The following PTPRJ variants were observed in gnomAD, a reference collection of about 807,000 sequenced individuals.
The protein encoded by PTPRJ is receptor-type tyrosine-protein phosphatase eta.
Under a neutral mutation model 141.3 loss-of-function variants are expected in PTPRJ, and 129 were observed. That is an observed-to-expected ratio of 0.91 (90% confidence interval 0.79 to 1.06). The LOEUF is 1.06. Among genes scored for constraint, PTPRJ ranks in the 50% least tolerant of loss-of-function variants. The pLI is 0.00. For missense variants in PTPRJ, 1,601 were observed against 1,679.7 expected (o/e 0.95, Z 0.82); for synonymous variants, 610 against 640.5 (o/e 0.95, Z 0.72).
chr11:48,116,737 C>T (rs1856574810), intron 3 of PTPRJ, among the ~76,000 whole-genome samples: 1 of 152,112 alleles, frequency 6.6e-6, no homozygotes. Context: ...CTGATGATGG[C>T]ATCAAACTAG....
chr11:48,130,646 T>G lies in PTPRJ; in HGVS notation c.1545T>G (p.Tyr515Ter). 1.2e-6 allele frequency: 2 copies of G among 1,614,060 alleles called. No individual in the cohort carries two copies. Among genetic ancestry groups the G allele is most frequent in the Non-Finnish European group, 1.7e-6 (2 of 1,179,966 alleles). Reference protein sequence around the residue: ...IIGGLFPGTKYCFEIVPKGPN... With the variant: ...IIGGLFPGTK ...GTGGCTTGTTCCCTGGAACCAAGTA[T>G]TGCTTTGAAATAGTTCCAAAAGGAC... is the stretch of plus-strand genomic sequence containing the variant. Residue 515 changes from tyrosine (Y) to a stop codon, truncating the protein, a stop_gained, in exon 8 of 25, where the codon TAT (tyrosine) becomes TAG (stop). Transcript: ENST00000418331. LOFTEE classifies it high-confidence loss of function.
intron 1 of PTPRJ, among the ~76,000 whole-genome samples, chr11:48,010,109 A>G (rs1479279432): frequency 6.6e-6 from 1 of 152,146 alleles, no homozygotes; most frequent in East Asian, 1.9e-4. Context: ...GTCTCCCTAA[A>G]TAGACGGGGT....
At chr11:48,032,636 G>A (rs973979894) in intron 1 of PTPRJ, among the ~76,000 whole-genome samples, 18 of 152,194 alleles carry the variant, frequency 1.2e-4, no homozygotes, top group Admixed American at 3.3e-4. Flanking sequence ...GCACATGCCT[G>A]TAATCCCAGC....
rs369103730 is a variant in PTPRJ, at chr11:48,170,012, G to A, written c.*2650G>A. ...AATGTGTAAATATAAAGGACACACAGGCTGGGGGTTGGTCAGAGGCAAGAG... is the reference window on the plus strand; with the variant it reads ...AATGTGTAAATATAAAGGACACACAAGCTGGGGGTTGGTCAGAGGCAAGAG... On this transcript the variant is annotated 3_prime_UTR_variant, in exon 25 of 25. Transcript: ENST00000418331. The A allele has an allele frequency of 6.6e-6, 1 of 152,310 alleles. No homozygotes were observed. Among genetic ancestry groups the A allele is most frequent in the East Asian group, 1.9e-4 (1 of 5,186 alleles). 9.4% of individuals were successfully genotyped at this position (152,310 alleles called of 1,614,324 possible).
chr11:48,144,553 G>C (rs981666047), intron 12 of PTPRJ, 122 bp from the exon 13 acceptor site: 6 of 761,854 alleles, frequency 7.9e-6, no homozygotes. Flanking sequence ...CTGGCACAGA[G>C]AGATACTTGA....
intron 3 of PTPRJ, among the ~76,000 whole-genome samples, chr11:48,120,327 C>T (rs887455898): frequency 1.3e-5 from 2 of 152,194 alleles, no homozygotes; most frequent in African/African-American, 4.8e-5. Flanking sequence ...CACTGAGCTT[C>T]CTTCTAGATG....
Position 48,153,830 on chromosome 11 carries a change from A to G in PTPRJ, c.3173A>G (p.Tyr1058Cys), listed in dbSNP as rs1437386968. ...CTTGTTGGAATTAGTCAACCTAAAT[A>G]TGCAGCAGAACTGGCTGAGAATAGA... ...LKLVGISQPK[Y>C]AAELAENRGK... Residue 1058 changes from tyrosine to cysteine, a missense_variant, in exon 19 of 25, where the codon TAT (tyrosine) becomes TGT (cysteine). Tyr to Cys is a radical substitution (Grantham distance 194, BLOSUM62 -2). Coordinates refer to ENST00000418331, the MANE Select transcript of PTPRJ (RefSeq NM_002843.4). 1 of 1,613,790 alleles carries G rather than the reference A, an allele frequency of 6.2e-7. No individual in the cohort carries two copies. Among genetic ancestry groups the G allele is most frequent in the Admixed American group, 1.7e-5 (1 of 60,002 alleles).
At chr11:48,153,911 TTC>T (rs1857543731) in intron 19 of PTPRJ, 25 bp downstream of exon 19, 1 of 1,499,058 alleles carries the variant, frequency 6.7e-7, no homozygotes, top group African/African-American at 1.4e-5. Flanking sequence ...CTACAGCATC[TTC>T]TCTGTGTTCC....
At chr11:48,153,979 A>C in intron 19 of PTPRJ, 93 bp downstream of exon 19, 1 of 855,378 alleles carries the variant, frequency 1.2e-6, no homozygotes, top group Non-Finnish European at 1.9e-6. Flanking sequence ...GATCCTAAGT[A>C]ACCACTTCCA....
chr11:48,125,795 T>C (rs1856815857), intron 6 of PTPRJ, among the ~76,000 whole-genome samples: 1 of 152,182 alleles, frequency 6.6e-6, no homozygotes, highest in African/African-American at 2.4e-5. Context: ...GGCAAGACAT[T>C]GGTGAGAAGC....
intron 1 of PTPRJ, among the ~76,000 whole-genome samples, chr11:48,001,527 T>A (rs1854499386): frequency 6.6e-6 from 1 of 152,128 alleles, no homozygotes; most frequent in South Asian, 2.1e-4. Flanking sequence ...TACTAACCTC[T>A]GTGAGGTTCA....
At chr11:48,046,735 C>G (rs1854407795) in intron 1 of PTPRJ, among the ~76,000 whole-genome samples, 1 of 151,658 alleles carries the variant, frequency 6.6e-6, no homozygotes. Context: ...TCCCCCCTAC[C>G]CTATGTGGAT....
intron 1 of PTPRJ, among the ~76,000 whole-genome samples, chr11:48,092,578 C>A (rs577042601): frequency 6.6e-6 from 1 of 151,814 alleles, no homozygotes; most frequent in Non-Finnish European, 1.5e-5. Flanking sequence ...TATAGGCACT[C>A]GCTACCACAC....
intron 1 of PTPRJ, among the ~76,000 whole-genome samples, chr11:47,996,016 C>T (rs1854325235): frequency 7.2e-6 from 1 of 138,714 alleles, no homozygotes; most frequent in Admixed American, 7.5e-5. Context: ...TCAGCCTGGG[C>T]AACAAGAATG....
At chr11:48,074,190 G>A (rs923203945) in intron 1 of PTPRJ, among the ~76,000 whole-genome samples, 1 of 151,968 alleles carries the variant, frequency 6.6e-6, no homozygotes, top group Admixed American at 6.6e-5. Context: ...ACGTTGCTCA[G>A]GCTGTAATTT....
intron 1 of PTPRJ, among the ~76,000 whole-genome samples, chr11:48,013,222 G>T (rs934316642): frequency 6.6e-6 from 1 of 152,060 alleles, no homozygotes; most frequent in African/African-American, 2.4e-5. Flanking sequence ...TCACCCCCAG[G>T]CCCCTTATTT....
intron 1 of PTPRJ, among the ~76,000 whole-genome samples, chr11:48,020,137 C>T (rs1319190352): frequency 6.6e-6 from 1 of 151,978 alleles, no homozygotes; most frequent in Non-Finnish European, 1.5e-5. Context: ...TAGTGTTGTT[C>T]TTTTTCTTTT....
At chr11:47,989,588 T>C (rs891543978) in intron 1 of PTPRJ, among the ~76,000 whole-genome samples, 3 of 152,104 alleles carry the variant, frequency 2.0e-5, no homozygotes, top group South Asian at 4.2e-4. Flanking sequence ...CCATTTTTTG[T>C]TTTTTGGTTA....
rs181943811 is a variant in PTPRJ at position 48,084,372 on chromosome 11, C to T, written c.97-25686C>T. Among the ~76,000 whole-genome samples the T allele has an allele frequency of 1.6e-3, 236 of 152,216 alleles. 2 individuals are homozygous for T. Among genetic ancestry groups the T allele is most frequent in the South Asian group, 0.015 (71 of 4,824 alleles). ...CTAATTTTTGTATTTTTAGCAGAGA[C>T]GGGGTTTTACCATGCTGGCCAGGCT... On this transcript the variant is annotated intron_variant, in intron 1 of 24. Transcript: ENST00000418331.
Sources: gnomAD v4.1 joint callset for allele counts (sites outside exome capture counted in the v4.1 genomes callset) on GRCh38, gnomAD v4.1.1 for gene constraint, MANE v1.5 for transcripts, NCBI Gene and HGNC (gene_info 2026-07-23, HGNC 2026-07-21) for gene names.